NR3C2: variants seen among roughly 807,000 people sequenced by gnomAD.
NR3C2 encodes mineralocorticoid receptor.
NR3C2 carries 15 observed loss-of-function variants against 86.4 expected under a neutral mutation model. That is an observed-to-expected ratio of 0.17 (90% CI 0.12 to 0.27). The LOEUF (loss-of-function observed/expected upper bound fraction) is 0.27. Ranked by LOEUF, NR3C2 falls within the 10% of genes least tolerant of loss-of-function variation. The pLI, the probability that NR3C2 is intolerant of heterozygous loss-of-function variation, is 1.00. For synonymous variants in NR3C2, 458 were observed against 450.5 expected (o/e 1.02, Z -0.21); for missense variants, 960 against 1,195.6 (o/e 0.80, Z 2.91).
chr4:148,266,567 CAAG>C (rs1459962309), intron 2 of NR3C2, among the ~76,000 whole-genome samples: 1 of 152,158 alleles, frequency 6.6e-6, no homozygotes, highest in East Asian at 1.9e-4. Context: ...ATGTGAGGTC[CAAG>C]AAGATGGTGG....
chr4:148,154,463 C>G, intron 5 of NR3C2, 88 bp downstream of exon 5: 1 of 1,208,466 alleles, frequency 8.3e-7, no homozygotes, highest in East Asian at 2.3e-5. Flanking sequence ...AGAACGCAAA[C>G]TCCTCCTGCA....
intron 2 of NR3C2, among the ~76,000 whole-genome samples, chr4:148,282,079 G>A (rs1239962383): frequency 2.0e-5 from 3 of 152,158 alleles, no homozygotes; most frequent in African/African-American, 7.2e-5. Context: ...GTCCAGGCTA[G>A]AGTGCAATGG....
chr4:148,102,003 A>G (rs955590876), intron 8 of NR3C2, among the ~76,000 whole-genome samples: 1 of 152,144 alleles, frequency 6.6e-6, no homozygotes, highest in Non-Finnish European at 1.5e-5. Context: ...ACCACCTCCC[A>G]GTTGCTATGG....
At chr4:148,154,978 G>A in intron 4 of NR3C2, 77 bp from the exon 5 acceptor site, 2 of 1,175,424 alleles carry the variant, frequency 1.7e-6, no homozygotes, top group Non-Finnish European at 2.5e-6. Context: ...TTAAAGTACA[G>A]TTTTCCTCTA....
intron 2 of NR3C2, among the ~76,000 whole-genome samples, chr4:148,305,713 G>A (rs1041714215): frequency 2.0e-5 from 3 of 152,166 alleles, no homozygotes; most frequent in Non-Finnish European, 4.4e-5. Context: ...TTATGACTTA[G>A]AGCTAGGAAA....
intron 6 of NR3C2, chr4:148,146,657 T>A (rs1733884463): frequency 6.6e-6 from 1 of 152,234 alleles, no homozygotes; most frequent in Non-Finnish European, 1.5e-5. Flanking sequence ...CAAGATGGTG[T>A]GGGTGGAAGT....
intron 2 of NR3C2, among the ~76,000 whole-genome samples, chr4:148,416,146 T>A (rs1490280938): frequency 1.3e-5 from 2 of 152,222 alleles, no homozygotes; most frequent in Non-Finnish European, 2.9e-5. Context: ...TTACCAAGAT[T>A]TGGCTAATCG....
At chr4:148,377,237 A>C (rs1746725142) in intron 2 of NR3C2, among the ~76,000 whole-genome samples, 2 of 152,196 alleles carry the variant, frequency 1.3e-5, no homozygotes, top group Admixed American at 1.3e-4. Context: ...GAAGAGTATA[A>C]AATTTTAGAT....
At chr4:148,389,163 C>A (rs1335647677) in intron 2 of NR3C2, among the ~76,000 whole-genome samples, 1 of 152,154 alleles carries the variant, frequency 6.6e-6, no homozygotes, top group Non-Finnish European at 1.5e-5. Context: ...CTCTCAGCTA[C>A]ACAACCAGGT....
At chr4:148,321,457 C>T (rs201562515) in intron 2 of NR3C2, among the ~76,000 whole-genome samples, 104,588 of 149,928 alleles carry the variant, frequency 0.7, 37,088 homozygotes, top group East Asian at 0.83. Flanking sequence ...CTCTTTGATC[C>T]GTCTAATGTT....
At chr4:148,310,729 T>A (rs1345844663) in intron 2 of NR3C2, among the ~76,000 whole-genome samples, 1 of 152,232 alleles carries the variant, frequency 6.6e-6, no homozygotes, top group Non-Finnish European at 1.5e-5. Context: ...CGGGTTAATT[T>A]CTATCAGCAT....
chr4:148,088,208 G>C (rs983553135), intron 8 of NR3C2, among the ~76,000 whole-genome samples: 2 of 152,124 alleles, frequency 1.3e-5, no homozygotes, highest in African/African-American at 4.8e-5. Flanking sequence ...AAGTTAGTTA[G>C]GAAACAACAG....
At chr4:148,153,504 T>C (rs933821672) in intron 5 of NR3C2, among the ~76,000 whole-genome samples, 1 of 152,072 alleles carries the variant, frequency 6.6e-6, no homozygotes, top group African/African-American at 2.4e-5. Flanking sequence ...ACCTCCCCCA[T>C]CTCCAGGGGC....
intron 2 of NR3C2, among the ~76,000 whole-genome samples, chr4:148,276,715 C>T (rs575503682): frequency 1.2e-4 from 19 of 152,272 alleles, no homozygotes; most frequent in African/African-American, 4.6e-4. Flanking sequence ...GAGAAACAAA[C>T]GTCAATCATT....
intron 2 of NR3C2, among the ~76,000 whole-genome samples, chr4:148,287,674 C>T (rs1741591259): frequency 6.6e-6 from 1 of 152,084 alleles, no homozygotes; most frequent in Non-Finnish European, 1.5e-5. Flanking sequence ...CATTTTGGTT[C>T]ACTATTACAT....
At chr4:148,390,139 A>T (rs979791876) in intron 2 of NR3C2, among the ~76,000 whole-genome samples, 1 of 151,204 alleles carries the variant, frequency 6.6e-6, no homozygotes, top group Non-Finnish European at 1.5e-5. Flanking sequence ...AAAAAAAAAA[A>T]CTCTGCAGGA....
chr4:148,347,174 A>G (rs143246239), intron 2 of NR3C2, among the ~76,000 whole-genome samples: 8 of 152,294 alleles, frequency 5.3e-5, no homozygotes, highest in Admixed American at 1.3e-4. Context: ...AAAAATAACT[A>G]TATTACTGTA....
chr4:148,155,833 G>A (rs1052003221), intron 4 of NR3C2, among the ~76,000 whole-genome samples: 14 of 152,106 alleles, frequency 9.2e-5, no homozygotes, highest in Non-Finnish European at 5.9e-5. Context: ...AACAAAGCTG[G>A]AGGAATCACA....
chr4:148,439,637 C>CT (rs966426482), intron 1 of NR3C2, among the ~76,000 whole-genome samples: 11 of 152,182 alleles, frequency 7.2e-5, no homozygotes, highest in Non-Finnish European at 8.8e-5. Flanking sequence ...GCGGTCCACT[C>CT]TTGGCTTTTT....
Sources: gnomAD v4.1 joint callset for allele counts (sites outside exome capture counted in the v4.1 genomes callset) on GRCh38, gnomAD v4.1.1 for gene constraint, MANE v1.5 for transcripts, NCBI Gene and HGNC (gene_info 2026-07-23, HGNC 2026-07-21) for gene names.